UMPS: variants seen among roughly 807,000 people sequenced by gnomAD.
The protein encoded by UMPS is uridine monophosphate synthetase.
UMPS carries 21 observed loss-of-function variants against 38.9 expected under a neutral mutation model. The ratio of observed to expected loss-of-function variants is 0.54; its 90% confidence interval spans 0.38 to 0.78. The LOEUF is 0.78. Ranked by LOEUF, UMPS falls within the 30% of genes least tolerant of loss-of-function variation. The probability of loss-of-function intolerance (pLI) is 0.00; values close to 1 mark genes in which losing one functional copy is unlikely to be tolerated. For missense variants in UMPS, 533 were observed against 591.6 expected, an observed-to-expected ratio of 0.90 and a Z score of 1.03; for synonymous variants, 208 against 219.3, an observed-to-expected ratio of 0.95 and a Z score of 0.45.
chr3:124,731,309 T>C (rs951612806), intron 1 of UMPS, among the ~76,000 whole-genome samples: 3 of 152,150 alleles, frequency 2.0e-5, no homozygotes, highest in Non-Finnish European at 2.9e-5. Flanking sequence ...AACTCTGTGA[T>C]GTATACAAAA....
At position 124,730,559 on chromosome 3, in the gene UMPS, A is replaced by G. The variant is rs17843776; in HGVS notation, c.88A>G (p.Ser30Gly). The change falls in exon 1 of 6, where the codon AGC becomes GGC. Residue 30 changes from serine (S) to glycine (G), a missense_variant. Coordinates refer to ENST00000232607, the MANE Select transcript of UMPS (RefSeq NM_000373.4). ...CAAGTTTGGGGACTTCGTGCTGAAG[A>G]GCGGGCTTTCCTCCCCCATCTACAT... ...AFKFGDFVLK[S>G]GLSSPIYIDL... 2,677 of 1,613,830 alleles carry G rather than the reference A, an allele frequency of 1.7e-3. 38 individuals carry two copies. The Admixed American group carries it at 0.028, about 17-fold the overall frequency.
chr3:124,733,474 G>C (rs980204363), intron 1 of UMPS: 1 of 179,232 alleles, frequency 5.6e-6, no homozygotes, highest in Non-Finnish European at 1.2e-5. Flanking sequence ...AATCAGATTG[G>C]GGTATTTGGT....
At position 124,744,420 on chromosome 3, in the gene UMPS, T is replaced by C; in HGVS notation, c.*336T>C. 1 of 459,000 alleles carries C rather than the reference T, an allele frequency of 2.2e-6. No individual in the cohort carries two copies. Among genetic ancestry groups the C allele is most frequent in the Non-Finnish European group, 4.3e-6 (1 of 230,214 alleles). The allele number at this position is 459,000 out of a possible 1,614,324, so 28.4% of individuals were successfully genotyped here. A position where few individuals can be genotyped will look rare whatever the true frequency, so the allele number is the denominator to read the frequency against. On this transcript the variant is annotated 3_prime_UTR_variant, in exon 6 of 6. Transcript: ENST00000232607. ...GACTGCTTTGTTATTCTATTTATTT[T>C]TTAATTTTTTTCGAGACAGGATCTC...
chr3:124,736,009 C>T (rs1022129063), intron 2 of UMPS, among the ~76,000 whole-genome samples: 1 of 152,094 alleles, frequency 6.6e-6, no homozygotes, highest in African/African-American at 2.4e-5. Context: ...TGGCCAGGCA[C>T]AGTGGCTCAC....
intron 3 of UMPS, among the ~76,000 whole-genome samples, 198 bp from the exon 4 acceptor site, chr3:124,739,826 A>G (rs1313752801): frequency 6.6e-6 from 1 of 152,156 alleles, no homozygotes; most frequent in Non-Finnish European, 1.5e-5. Flanking sequence ...TCACCCAGCT[A>G]CTTACCTGAA....
Position 124,748,858 on chromosome 3 carries a change from C to G in UMPS, c.*4774C>G, listed in dbSNP as rs1559911570. ...AGAGAAGCTGAATTCTCCTGTTTTTCTGAAAAGGGCATGGGAGTTAGCTGA... is the reference window on the plus strand; with the variant it reads ...AGAGAAGCTGAATTCTCCTGTTTTTGTGAAAAGGGCATGGGAGTTAGCTGA... On this transcript the variant is annotated 3_prime_UTR_variant, in exon 6 of 6. Transcript: ENST00000232607. 1 of 415,280 alleles carries G rather than the reference C, an allele frequency of 2.4e-6. No homozygotes were observed. The highest frequency in any genetic ancestry group is 7.1e-5 in the East Asian group (1 of 14,130). 25.7% of individuals were successfully genotyped at this position (415,280 alleles called of 1,614,324 possible). A position where few individuals can be genotyped will look rare whatever the true frequency, so the allele number is the denominator to read the frequency against.
At chr3:124,741,519 T>A (rs1276957149) in intron 4 of UMPS, among the ~76,000 whole-genome samples, 1 of 152,118 alleles carries the variant, frequency 6.6e-6, no homozygotes, top group Non-Finnish European at 1.5e-5. Context: ...GAGGTGAGAT[T>A]TCTTTAGCTC....
intron 5 of UMPS, among the ~76,000 whole-genome samples, chr3:124,743,471 A>G (rs1297082336): frequency 6.6e-6 from 1 of 150,610 alleles, no homozygotes; most frequent in Non-Finnish European, 1.5e-5. Flanking sequence ...CTCCATCTCT[A>G]CTAAAAAATA....
intron 3 of UMPS, among the ~76,000 whole-genome samples, chr3:124,739,222 A>G (rs1301906085): frequency 1.3e-5 from 2 of 152,242 alleles, no homozygotes; most frequent in African/African-American, 4.8e-5. Context: ...GCCTATTGAA[A>G]TTAGATAGCT....
In UMPS at chr3:124,738,081, C is replaced by A; in HGVS notation, c.824C>A (p.Pro275His). The change falls in exon 3 of 6, where the codon CCT (proline) becomes CAT (histidine). Residue 275 changes from proline (P) to histidine (H), a missense_variant. Physicochemically the swap from Pro to His is moderately conservative, Grantham distance 77 (BLOSUM62 -2). Transcript: ENST00000232607. ...TTGCAGCTAGCAGATGCTTTAGGAC[C>A]TAGTATCTGCATGCTGAAGACTCAT... ...ELLQLADALG[P>H]SICMLKTHVD... 6.2e-7 allele frequency: 1 copy of A among 1,614,202 alleles called. No homozygotes were observed.
Position 124,745,818 on chromosome 3 carries a change from G to A in UMPS, c.*1734G>A, listed in dbSNP as rs982944773. On this transcript the variant is annotated 3_prime_UTR_variant, in exon 6 of 6. Coordinates refer to ENST00000232607, the MANE Select transcript of UMPS (RefSeq NM_000373.4). ...TATGTTGAGAGGCCTTTGGAGTGAT[G>A]TGCTGAGGTCTCAGGCGCCCACCTC... 4.4e-6 allele frequency: 2 copies of A among 454,108 alleles called. No individual in the cohort carries two copies. The highest frequency in any genetic ancestry group is 3.1e-5 in the South Asian group (2 of 64,476). 28.1% of individuals were successfully genotyped at this position (454,108 alleles called of 1,614,324 possible). A position where few individuals can be genotyped will look rare whatever the true frequency, so the allele number is the denominator to read the frequency against.
chr3:124,734,348 A>G (rs1252635748), intron 1 of UMPS, among the ~76,000 whole-genome samples: 1 of 152,228 alleles, frequency 6.6e-6, no homozygotes, highest in Non-Finnish European at 1.5e-5. Context: ...ATTATAAAAT[A>G]GCAATTCACA....
intron 1 of UMPS, chr3:124,731,576 C>T (rs751992860): frequency 3.7e-5 from 15 of 403,290 alleles, no homozygotes; most frequent in South Asian, 2.4e-4. Context: ...GCCTGGAACT[C>T]CTGGGCTTAA....
At chr3:124,734,751 T>A (rs1243745588) in intron 1 of UMPS, among the ~76,000 whole-genome samples, 1 of 152,250 alleles carries the variant, frequency 6.6e-6, no homozygotes, top group African/African-American at 2.4e-5. Flanking sequence ...CTGGGCGCAG[T>A]GGCTCACGCC....
At chr3:124,743,794 G>C in intron 5 of UMPS, 121 bp from the exon 6 acceptor site, 1 of 1,258,644 alleles carries the variant, frequency 7.9e-7, no homozygotes, top group Non-Finnish European at 1.1e-6. Flanking sequence ...TGTACAAAAG[G>C]GGAACGAAAG....
In UMPS at chr3:124,746,606, G is replaced by A. The variant is rs1375868299; in HGVS notation, c.*2522G>A. 2.2e-6 allele frequency: 1 copy of A among 453,982 alleles called. No homozygotes were observed. 28.1% of individuals were successfully genotyped at this position (453,982 alleles called of 1,614,324 possible). ...AATATTTACAGAACATGATCTCTGG[G>A]CATTGTAACTCCTGGTCTTAGTGGG... On this transcript the variant is annotated 3_prime_UTR_variant, in exon 6 of 6. Coordinates refer to ENST00000232607, the MANE Select transcript of UMPS (RefSeq NM_000373.4).
rs1280241409 is a variant in UMPS at position 124,747,308 on chromosome 3, T to A, written c.*3224T>A. The stretch of plus-strand genomic sequence containing the variant: ...TGGTTGCCATCTGGGTCATCAGACC[T>A]GGCTGTCAGGGGTGCAGCCACAGGA... On this transcript the variant is annotated 3_prime_UTR_variant, in exon 6 of 6. Coordinates refer to ENST00000232607, the MANE Select transcript of UMPS (RefSeq NM_000373.4). 3 of 455,294 alleles carry A rather than the reference T, an allele frequency of 6.6e-6. No homozygotes were observed. Among genetic ancestry groups the A allele is most frequent in the Non-Finnish European group, 1.3e-5 (3 of 226,838 alleles). The allele number at this position is 455,294 out of a possible 1,614,324, so 28.2% of individuals were successfully genotyped here. A position where few individuals can be genotyped will look rare whatever the true frequency, so the allele number is the denominator to read the frequency against.
rs1296323481 is a variant in UMPS, at chr3:124,745,361, G to A, written c.*1277G>A. The A allele has an allele frequency of 2.4e-6, 1 of 422,042 alleles. No individual in the cohort carries two copies. The highest frequency in any genetic ancestry group is 2.6e-5 in the African/African-American group (1 of 38,066). 26.1% of individuals were successfully genotyped at this position (422,042 alleles called of 1,614,324 possible). A position where few individuals can be genotyped will look rare whatever the true frequency, so the allele number is the denominator to read the frequency against. On this transcript the variant is annotated 3_prime_UTR_variant, in exon 6 of 6. Coordinates refer to ENST00000232607, the MANE Select transcript of UMPS (RefSeq NM_000373.4). ...CTGTTCTTTAATGACTCAGAGGAATGCCTAGGATTTTTTTTTTTTTTTGAG... is the reference window on the plus strand; with the variant it reads ...CTGTTCTTTAATGACTCAGAGGAATACCTAGGATTTTTTTTTTTTTTTGAG...
rs1219095809 is a variant in UMPS at position 124,745,280 on chromosome 3, C to CCCAAA, written c.*1196_*1197insCCAAA. On this transcript the variant is annotated 3_prime_UTR_variant, in exon 6 of 6. Transcript: ENST00000232607. ...ACATTCCTTCTCATTTGGGGCCCAC[C>CCCAAA]TGCAGGAAGTGGCACAGGATCAGCC... 1.5e-5 allele frequency: 7 copies of CCCAAA among 454,014 alleles called. No individual in the cohort carries two copies. The highest frequency in any genetic ancestry group is 2.6e-5 in the Non-Finnish European group (6 of 226,806). 28.1% of individuals were successfully genotyped at this position (454,014 alleles called of 1,614,324 possible). A position where few individuals can be genotyped will look rare whatever the true frequency, so the allele number is the denominator to read the frequency against.
Sources: gnomAD v4.1 joint callset for allele counts (sites outside exome capture counted in the v4.1 genomes callset) on GRCh38, gnomAD v4.1.1 for gene constraint, MANE v1.5 for transcripts, NCBI Gene and HGNC (gene_info 2026-07-23, HGNC 2026-07-21) for gene names.